Variants in STPG4 observed in about 807,000 individuals in gnomAD.
STPG4 encodes the protein sperm-tail PG-rich repeat containing 4.
Under a neutral mutation model 31.5 loss-of-function variants are expected in STPG4, and 41 were observed. The observed-to-expected ratio is 1.30, with a 90% CI of 1.01 to 1.69. The LOEUF is 1.69. Ranked by LOEUF, STPG4 falls within the 40% of genes most tolerant of loss-of-function variation. The pLI is 0.00. For synonymous variants in STPG4, 141 were observed against 103.0 expected (o/e 1.37, Z -2.24); for missense variants, 375 against 293.4 (o/e 1.28, Z -2.03).
intron 5 of STPG4, among the ~76,000 whole-genome samples, chr2:47,094,398 G>A (rs1256755578): frequency 6.6e-6 from 1 of 152,102 alleles, no homozygotes; most frequent in South Asian, 2.1e-4. Context: ...CTCAGCTCTG[G>A]TACATGATTA....
At chr2:47,133,839 A>T (rs1334280687) in intron 3 of STPG4, among the ~76,000 whole-genome samples, 1 of 152,046 alleles carries the variant, frequency 6.6e-6, no homozygotes, top group South Asian at 2.1e-4. Context: ...GGCCTCCCAA[A>T]GTGCTGGGAT....
intron 3 of STPG4, among the ~76,000 whole-genome samples, chr2:47,131,933 G>A (rs541175970): frequency 2.2e-4 from 34 of 152,302 alleles, no homozygotes; most frequent in Admixed American, 1.5e-3. Context: ...GGGAAGCCGA[G>A]GCATGTGGAT....
intron 5 of STPG4, among the ~76,000 whole-genome samples, chr2:47,113,009 AAAAAT>A (rs1449763914): frequency 2.7e-5 from 4 of 150,894 alleles, no homozygotes; most frequent in Admixed American, 1.3e-4. Context: ...AAAAAAAAAA[AAAAAT>A]CACAAGTAAA....
chr2:47,146,564 G>GA (rs34954854), intron 3 of STPG4, among the ~76,000 whole-genome samples: 71,138 of 137,246 alleles, frequency 0.52, 19,247 homozygotes, highest in East Asian at 0.74. Flanking sequence ...CATCTCTACT[G>GA]AAAAAAAAAA....
chr2:47,136,842 T>C (rs1686607816), intron 3 of STPG4, among the ~76,000 whole-genome samples: 1 of 152,240 alleles, frequency 6.6e-6, no homozygotes, highest in Admixed American at 6.5e-5. Flanking sequence ...TATTAACCTT[T>C]ATCCTGCAAA....
intron 5 of STPG4, among the ~76,000 whole-genome samples, chr2:47,104,857 C>T (rs13027089): frequency 0.055 from 8,337 of 152,000 alleles, 430 homozygotes; most frequent in African/African-American, 0.11. Flanking sequence ...ATATCTAGGC[C>T]GAATCTTAGC....
chr2:47,107,713 G>A (rs1489373584), intron 5 of STPG4, among the ~76,000 whole-genome samples: 1 of 152,168 alleles, frequency 6.6e-6, no homozygotes, highest in Non-Finnish European at 1.5e-5. Context: ...CCCTGGTGCG[G>A]GATCCACTGG....
In STPG4 at chr2:47,102,770, G is replaced by C. The variant is rs189186103; in HGVS notation, c.520-12396C>G. On this transcript the variant is annotated intron_variant, in intron 5 of 6. Transcript: ENST00000445927. The stretch of plus-strand genomic sequence containing the variant: ...CGGTTATGTCCCCTTCAAGCTGTAG[G>C]GGGAGGGGAATTTGGCCCAACCCGG... 8.5e-3 allele frequency among the ~76,000 whole-genome samples: 1,294 copies of C among 151,900 alleles called. 55 individuals are homozygous for C. The highest frequency in any genetic ancestry group is 0.029 in the African/African-American group (1,191 of 41,268).
At chr2:47,090,524 G>A in intron 5 of STPG4, 150 bp from the exon 6 acceptor site, 1 of 606,118 alleles carries the variant, frequency 1.6e-6, no homozygotes, top group South Asian at 2.0e-5. Flanking sequence ...TAAGGTGTGA[G>A]CTGGGACAAG....
intron 5 of STPG4, among the ~76,000 whole-genome samples, chr2:47,122,658 T>A (rs1002292707): frequency 6.7e-6 from 1 of 148,916 alleles, no homozygotes; most frequent in Non-Finnish European, 1.5e-5. Context: ...TTCTAGGATC[T>A]GTTTCTGAGC....
chr2:47,138,473 C>G (rs1686642555), intron 3 of STPG4, among the ~76,000 whole-genome samples: 1 of 150,608 alleles, frequency 6.6e-6, no homozygotes, highest in Non-Finnish European at 1.5e-5. Context: ...CTCACTGCAA[C>G]CTCCACCTCC....
intron 3 of STPG4, among the ~76,000 whole-genome samples, chr2:47,138,563 T>C (rs911826134): frequency 2.6e-5 from 4 of 152,114 alleles, no homozygotes; most frequent in African/African-American, 9.6e-5. Flanking sequence ...GGTTAATTTG[T>C]TTTTTTAGAT....
chr2:47,126,418 T>C lies in STPG4; in HGVS notation c.519+3523A>G, dbSNP rs187350248. 8.0e-3 allele frequency among the ~76,000 whole-genome samples: 1,213 copies of C among 152,216 alleles called. 12 individuals are homozygous for C. The highest frequency in any genetic ancestry group is 0.028 in the African/African-American group (1,176 of 41,528). Reference sequence around the variant, plus strand: ...ATGGCTCACTGCAGCCTTGACCTCCTGGGCTCGAGTGATCCTCCCACCTTA... The same window carrying C: ...ATGGCTCACTGCAGCCTTGACCTCCCGGGCTCGAGTGATCCTCCCACCTTA... On this transcript the variant is annotated intron_variant, in intron 5 of 6. Transcript: ENST00000445927.
intron 5 of STPG4, among the ~76,000 whole-genome samples, chr2:47,099,612 C>T (rs1685745131): frequency 6.6e-6 from 1 of 152,272 alleles, no homozygotes; most frequent in African/African-American, 2.4e-5. Flanking sequence ...CCTCCTCTGC[C>T]TGGGCTCCCA....
chr2:47,098,834 C>T (rs2347611), intron 5 of STPG4, among the ~76,000 whole-genome samples: 67,519 of 151,146 alleles, frequency 0.45, 16,097 homozygotes, highest in East Asian at 0.77. Context: ...CTACAGCCAC[C>T]TCTCTGGGCA....
chr2:47,148,079 G>C (rs916940181), intron 3 of STPG4, among the ~76,000 whole-genome samples: 1 of 151,748 alleles, frequency 6.6e-6, no homozygotes, highest in Non-Finnish European at 1.5e-5. Context: ...AGCCTACCAA[G>C]TAGCTGGGAT....
At chr2:47,132,237 GAGA>G (rs1416504562) in intron 3 of STPG4, among the ~76,000 whole-genome samples, 4 of 151,976 alleles carry the variant, frequency 2.6e-5, no homozygotes, top group Non-Finnish European at 4.4e-5. Context: ...AAGCCAGGAG[GAGA>G]AGATCATCCA....
intron 5 of STPG4, among the ~76,000 whole-genome samples, chr2:47,097,779 C>T (rs1685701658): frequency 6.6e-6 from 1 of 152,072 alleles, no homozygotes; most frequent in Admixed American, 6.5e-5. Context: ...GACCAAGAAA[C>T]ATGTGGTGTG....
intron 3 of STPG4, among the ~76,000 whole-genome samples, chr2:47,133,823 C>T (rs1050211353): frequency 4.6e-5 from 7 of 151,922 alleles, no homozygotes; most frequent in South Asian, 2.1e-4. Context: ...GTGATCCACC[C>T]GCTTTGGCCT....
Sources: allele counts gnomAD v4.1 joint callset (sites outside exome capture counted in the v4.1 genomes callset), GRCh38; gene constraint gnomAD v4.1.1; transcripts MANE v1.5; gene names NCBI Gene and HGNC (gene_info 2026-07-23, HGNC 2026-07-21).